The following TUBA8 variants were observed in gnomAD, a reference collection of about 807,000 sequenced individuals.
The protein encoded by TUBA8 is tubulin alpha-8 chain.
TUBA8 carries 29 observed loss-of-function variants against 34.7 expected under a neutral mutation model. The observed-to-expected ratio is 0.84, with a 90% CI of 0.62 to 1.14. The LOEUF (loss-of-function observed/expected upper bound fraction) is 1.14. Among genes scored for constraint, TUBA8 ranks in the 50% most tolerant of loss-of-function variants. The probability of loss-of-function intolerance (pLI) is 0.00; values close to 1 mark genes in which losing one functional copy is unlikely to be tolerated. For synonymous variants in TUBA8, 226 were observed against 231.2 expected, an observed-to-expected ratio of 0.98 and a Z score of 0.21; for missense variants, 541 against 599.2, an observed-to-expected ratio of 0.90 and a Z score of 1.01.
At position 18,119,604 on chromosome 22, in the gene TUBA8, C is replaced by A. The variant is rs1354108695; in HGVS notation, c.4-1875C>A. 1.3e-5 allele frequency: 2 copies of A among 152,404 alleles called. No homozygotes were observed. Among genetic ancestry groups the A allele is most frequent in the African/African-American group, 2.4e-5 (1 of 41,558 alleles). 9.4% of individuals were successfully genotyped at this position (152,404 alleles called of 1,614,324 possible). ...CTCACGGAGATCCAGCGGGTTGCGA[C>A]CCCCGTCGGGCTGCCCCACGCTCAC... is the stretch of plus-strand genomic sequence containing the variant. On this transcript the variant is annotated intron_variant, in intron 1 of 4. Coordinates refer to ENST00000330423, the MANE Select transcript of TUBA8 (RefSeq NM_018943.3). This position sits in a 1 kb window ranked among gnomAD's most constrained non-coding sequence, Gnocchi z 5.9.
At chr22:18,127,600 A>G (rs362110) in intron 4 of TUBA8, 67,230 of 150,890 alleles carry the variant, frequency 0.45, 18,318 homozygotes, top group East Asian at 0.74. Context: ...TCACCGTGTT[A>G]GCCAGGATGG....
chr22:18,110,975 T>A lies in TUBA8; in HGVS notation c.3+107T>A, dbSNP rs1927785865. 2.0e-6 allele frequency: 3 copies of A among 1,508,002 alleles called. No individual in the cohort carries two copies. Among genetic ancestry groups the A allele is most frequent in the African/African-American group, 2.8e-5 (2 of 72,388 alleles). 93.4% of individuals were successfully genotyped at this position (1,508,002 alleles called of 1,614,324 possible). On this transcript the variant is annotated intron_variant, in intron 1 of 4. Transcript: ENST00000330423. This position sits in a 1 kb window ranked among gnomAD's most constrained non-coding sequence, Gnocchi z 6.2. ...ACCCGTCTTCCTGGAGCCGCAGGGC[T>A]CAAGGCCTTCTGGGGGTGGCAGTTC...
At chr22:18,122,589 G>C (rs1325897975) in intron 2 of TUBA8, 1 of 152,172 alleles carries the variant, frequency 6.6e-6, no homozygotes, top group African/African-American at 2.4e-5. Flanking sequence ...GAAGTGAGCA[G>C]AGACCCCTTA....
chr22:18,123,904 T>C, intron 2 of TUBA8: 1 of 514,552 alleles, frequency 1.9e-6, no homozygotes, highest in Non-Finnish European at 3.5e-6. Context: ...AAGCTAAGTC[T>C]TTTTAGGGTT....
In TUBA8 at chr22:18,131,606, CTCCCCCAT is replaced by C; in HGVS notation, c.*471_*478del. ...ATCATCTAGACTTAGCATGCATTCACTCCCCCATCACATATTCCAATACACACCCTGTC... is the reference window on the plus strand; with the variant it reads ...ATCATCTAGACTTAGCATGCATTCACCACATATTCCAATACACACCCTGTC... On this transcript the variant is annotated 3_prime_UTR_variant, in exon 5 of 5. Coordinates refer to ENST00000330423, the MANE Select transcript of TUBA8 (RefSeq NM_018943.3). This position sits in a 1 kb window ranked among gnomAD's most constrained non-coding sequence, Gnocchi z 5.3. 4 of 218,152 alleles carry C rather than the reference CTCCCCCAT, an allele frequency of 1.8e-5. No individual in the cohort carries two copies. The highest frequency in any genetic ancestry group is 7.7e-5 in the South Asian group (1 of 13,048). The allele number at this position is 218,152 out of a possible 1,614,324, so 13.5% of individuals were successfully genotyped here.
chr22:18,127,059 G>C (rs1602499248), intron 4 of TUBA8, 25 bp downstream of exon 4: 6 of 1,613,386 alleles, frequency 3.7e-6, no homozygotes, highest in Non-Finnish European at 4.2e-6. Flanking sequence ...CTTAGGAAGG[G>C]GAGAGAGGAC....
At chr22:18,117,850 T>C (rs1254062932) in intron 1 of TUBA8, 1 of 151,074 alleles carries the variant, frequency 6.6e-6, no homozygotes, top group Non-Finnish European at 1.5e-5. Flanking sequence ...CCCTGTAGGA[T>C]GTCTCACCTT....
At chr22:18,123,418 C>G (rs1259627296) in intron 2 of TUBA8, 2 of 152,112 alleles carry the variant, frequency 1.3e-5, no homozygotes, top group East Asian at 2.0e-4. Context: ...CCACGCCTGC[C>G]TAATTTTTTT....
Position 18,126,903 on chromosome 22 carries a change from C to T in TUBA8, c.925C>T (p.His309Tyr). Reference protein sequence around the residue: ...NSQMVKCDPRHGKYMACCMLY... With the variant: ...NSQMVKCDPRYGKYMACCMLY... ...CCAGATGGTGAAGTGCGACCCGAGA[C>T]ATGGCAAGTACATGGCCTGCTGCAT... Residue 309 changes from histidine to tyrosine, a missense_variant, in exon 4 of 5, where the codon CAT becomes TAT. His to Tyr is a moderately conservative substitution (Grantham distance 83). Transcript: ENST00000330423. This position sits in a 1 kb window ranked among gnomAD's most constrained non-coding sequence, Gnocchi z 4.0. 1 of 1,612,050 alleles carries T rather than the reference C, an allele frequency of 6.2e-7. No homozygotes were observed. The highest frequency in any genetic ancestry group is 1.1e-5 in the South Asian group (1 of 90,748).
intron 4 of TUBA8, chr22:18,129,356 G>A (rs1195404576): frequency 6.6e-6 from 1 of 152,158 alleles, no homozygotes; most frequent in African/African-American, 2.4e-5. Flanking sequence ...GATCATTATG[G>A]TAGCATTAGC....
rs986883641 is a variant in TUBA8, at chr22:18,121,939, C to T, written c.226+238C>T. The T allele has an allele frequency of 3.3e-5, 18 of 540,456 alleles. No individual in the cohort carries two copies. The highest frequency in any genetic ancestry group is 1.0e-3 in the Middle Eastern group (2 of 1,994). 33.5% of individuals were successfully genotyped at this position (540,456 alleles called of 1,614,324 possible). Reference sequence around the variant, plus strand: ...CCTCCCACTTCAACCCCAAAACCTGCGGCACCAGGTCAAAATGGTCACATC... The same window carrying T: ...CCTCCCACTTCAACCCCAAAACCTGTGGCACCAGGTCAAAATGGTCACATC... On this transcript the variant is annotated intron_variant, in intron 2 of 4. Coordinates refer to ENST00000330423, the MANE Select transcript of TUBA8 (RefSeq NM_018943.3). This position sits in a 1 kb window ranked among gnomAD's most constrained non-coding sequence, Gnocchi z 4.8.
intron 2 of TUBA8, chr22:18,123,626 G>C (rs1928225397): frequency 5.9e-6 from 1 of 169,308 alleles, no homozygotes; most frequent in African/African-American, 2.4e-5. Context: ...CCAGGCTGGA[G>C]TGCAGTGGCA....
At chr22:18,117,414 G>T (rs1178615147) in intron 1 of TUBA8, 2 of 152,486 alleles carry the variant, frequency 1.3e-5, no homozygotes, top group South Asian at 4.1e-4. Flanking sequence ...GCGTGTGGTG[G>T]TGCTTGGTGG....
At chr22:18,127,257 T>C (rs1928358974) in intron 4 of TUBA8, 3 of 554,752 alleles carry the variant, frequency 5.4e-6, no homozygotes, top group Non-Finnish European at 9.5e-6. Flanking sequence ...CTATTTTAAA[T>C]TGATTAATTG....
chr22:18,121,889 T>A lies in TUBA8; in HGVS notation c.226+188T>A. ...GTCTCGGGGAATCTCATGACAGTGA[T>A]CAAGACTCTATGCAGAACAAAATGC... On this transcript the variant is annotated intron_variant, in intron 2 of 4. Coordinates refer to ENST00000330423, the MANE Select transcript of TUBA8 (RefSeq NM_018943.3). The surrounding 1 kb of genome is among the most constrained non-coding windows in gnomAD (Gnocchi z 4.8). 1.6e-6 allele frequency: 1 copy of A among 616,288 alleles called. No homozygotes were observed. The highest frequency in any genetic ancestry group is 2.9e-6 in the Non-Finnish European group (1 of 349,322). 38.2% of individuals were successfully genotyped at this position (616,288 alleles called of 1,614,324 possible).
chr22:18,130,708 CATCCCAT>C lies in TUBA8; in HGVS notation c.1057-133_1057-127del, dbSNP rs1223180512. 4 of 1,142,986 alleles carry C rather than the reference CATCCCAT, an allele frequency of 3.5e-6. No individual in the cohort carries two copies. The African/African-American group carries it at 7.1e-5, about 20-fold the overall frequency. The allele number at this position is 1,142,986 out of a possible 1,614,324, so 70.8% of individuals were successfully genotyped here. On this transcript the variant is annotated intron_variant, in intron 4 of 4. Transcript: ENST00000330423. ...TTCCCCAGTCCCATCCCGCCTGTTG[CATCCCAT>C]AGCCCCACTCCCACGCCCCTGACCA...
Position 18,124,248 on chromosome 22 carries a change from CACT to C in TUBA8, c.322_324del (p.Tyr108del), listed in dbSNP as rs778433078. ...TGCAGCCAACAACTATGCCCGGGGC[CACT>C]ACACGGTGGGCAAGGAGAGCATTGA... On this transcript the variant is annotated inframe_deletion, in exon 3 of 5. Coordinates refer to ENST00000330423, the MANE Select transcript of TUBA8 (RefSeq NM_018943.3). This position sits in a 1 kb window ranked among gnomAD's most constrained non-coding sequence, Gnocchi z 4.3. The C allele has an allele frequency of 6.2e-7, 1 of 1,614,132 alleles. No homozygotes were observed.
intron 1 of TUBA8, chr22:18,113,961 A>C (rs1345906117): frequency 1.3e-5 from 2 of 152,192 alleles, no homozygotes; most frequent in Non-Finnish European, 2.9e-5. Flanking sequence ...AGTGACCTTC[A>C]AAGGGAGATG....
At chr22:18,130,727 C>T (rs1479312328) in intron 4 of TUBA8, 116 bp from the exon 5 acceptor site, 5 of 1,401,388 alleles carry the variant, frequency 3.6e-6, no homozygotes, top group Non-Finnish European at 4.0e-6. Context: ...GCCCCACTCC[C>T]ACGCCCCTGA....
Sources: allele counts gnomAD v4.1 joint callset, GRCh38; gene constraint gnomAD v4.1.1; non-coding constraint Gnocchi (gnomAD v3.1); transcripts MANE v1.5; gene names NCBI Gene and HGNC (gene_info 2026-07-23, HGNC 2026-07-21).